EPHA5: variants seen among roughly 807,000 people sequenced by gnomAD.
EPHA5 encodes ephrin type-A receptor 5.
Under a neutral mutation model 105.0 loss-of-function variants are expected in EPHA5, and 60 were observed. That is an observed-to-expected ratio of 0.57 (90% CI 0.46 to 0.71). EPHA5 has a LOEUF of 0.71. Among genes scored for constraint, EPHA5 ranks in the 30% least tolerant of loss-of-function variants. EPHA5 has a pLI of 0.00. For missense variants in EPHA5, 1,218 were observed against 1,274.7 expected (o/e 0.96, Z 0.68); for synonymous variants, 513 against 449.1 (o/e 1.14, Z -1.80).
intron 1 of EPHA5, among the ~76,000 whole-genome samples, chr4:65,668,461 T>G (rs1750149816): frequency 6.6e-6 from 1 of 152,178 alleles, no homozygotes; most frequent in South Asian, 2.1e-4. Flanking sequence ...ATGGTGGAGC[T>G]GACAGATCTG....
intron 16 of EPHA5, chr4:65,330,472 A>G (rs1720503978): frequency 8.1e-6 from 2 of 247,152 alleles, no homozygotes; most frequent in South Asian, 3.1e-4. Flanking sequence ...TTGTAATTAT[A>G]ACTATTTTTT....
At chr4:65,413,530 C>A (rs1723109917) in intron 7 of EPHA5, among the ~76,000 whole-genome samples, 1 of 151,926 alleles carries the variant, frequency 6.6e-6, no homozygotes, top group Admixed American at 6.6e-5. Context: ...ATTTTATTTT[C>A]TTTATTTTAA....
chr4:65,488,884 C>CCTTT (rs1731133766), intron 5 of EPHA5, among the ~76,000 whole-genome samples: 1 of 34,272 alleles, frequency 2.9e-5, no homozygotes, highest in African/African-American at 8.0e-5. Context: ...CAGCTGCATG[C>CCTTT]ATTTTTTTTT....
In EPHA5 at chr4:65,499,520, T is replaced by C. The variant is rs116094867; in HGVS notation, c.911-3977A>G. 2.5e-3 allele frequency among the ~76,000 whole-genome samples: 385 copies of C among 151,744 alleles called. 1 individual carries two copies. The highest frequency in any genetic ancestry group is 7.2e-3 in the African/African-American group (300 of 41,514). On this transcript the variant is annotated intron_variant, in intron 3 of 16. Transcript: ENST00000613740. ...TCACATGATGACTCACTCCACTCCATTGATACCTCTCAATGAAAACTATTT... is the reference window on the plus strand; with the variant it reads ...TCACATGATGACTCACTCCACTCCACTGATACCTCTCAATGAAAACTATTT...
At chr4:65,537,506 A>G (rs1461107550) in intron 3 of EPHA5, among the ~76,000 whole-genome samples, 1 of 151,836 alleles carries the variant, frequency 6.6e-6, no homozygotes, top group Non-Finnish European at 1.5e-5. Flanking sequence ...GTAAATATCT[A>G]CAAAACAGGG....
At chr4:65,538,520 C>T (rs893039885) in intron 3 of EPHA5, among the ~76,000 whole-genome samples, 7 of 151,634 alleles carry the variant, frequency 4.6e-5, no homozygotes, top group East Asian at 3.9e-4. Context: ...GAAGTCACCC[C>T]GTATGGGAAA....
chr4:65,497,531 T>C (rs1046020128), intron 3 of EPHA5, among the ~76,000 whole-genome samples: 1 of 152,100 alleles, frequency 6.6e-6, no homozygotes, highest in Non-Finnish European at 1.5e-5. Flanking sequence ...TATAGCAGCT[T>C]ATGCCATACT....
intron 11 of EPHA5, among the ~76,000 whole-genome samples, chr4:65,362,483 T>C (rs1311991327): frequency 6.6e-6 from 1 of 151,716 alleles, no homozygotes; most frequent in South Asian, 2.1e-4. Context: ...TCATATGGAA[T>C]AAAAAGTAAA....
intron 3 of EPHA5, among the ~76,000 whole-genome samples, chr4:65,598,654 C>T (rs539879300): frequency 8.5e-5 from 13 of 152,256 alleles, no homozygotes; most frequent in Admixed American, 3.3e-4. Flanking sequence ...TAAACAGTGA[C>T]GCTTGATTTA....
At chr4:65,412,138 G>T (rs990656457) in intron 7 of EPHA5, among the ~76,000 whole-genome samples, 9 of 152,140 alleles carry the variant, frequency 5.9e-5, no homozygotes, top group African/African-American at 2.2e-4. Context: ...TGAGTCAGGA[G>T]AATCGCTTGA....
intron 11 of EPHA5, among the ~76,000 whole-genome samples, chr4:65,364,567 CAT>C (rs1717669365): frequency 6.6e-6 from 1 of 151,516 alleles, no homozygotes; most frequent in Non-Finnish European, 1.5e-5. Context: ...GAACTATTAA[CAT>C]ATCTTTAAAA....
intron 5 of EPHA5, among the ~76,000 whole-genome samples, chr4:65,490,144 A>T (rs1176176074): frequency 1.2e-4 from 19 of 152,258 alleles, no homozygotes; most frequent in Admixed American, 1.2e-3. Context: ...AAAAAATTCA[A>T]TTAAAAAATG....
intron 8 of EPHA5, among the ~76,000 whole-genome samples, chr4:65,376,455 T>A (rs189936791): frequency 1.3e-5 from 2 of 152,172 alleles, no homozygotes; most frequent in East Asian, 1.9e-4. Flanking sequence ...TTCATTGGCA[T>A]CAAAGTGAGA....
chr4:65,644,126 G>A (rs1397882750), intron 1 of EPHA5, among the ~76,000 whole-genome samples: 1 of 151,854 alleles, frequency 6.6e-6, no homozygotes, highest in East Asian at 1.9e-4. Context: ...TATTATATAT[G>A]GGAATCCCAA....
At chr4:65,333,038 G>C (rs181840763) in intron 15 of EPHA5, among the ~76,000 whole-genome samples, 1 of 151,664 alleles carries the variant, frequency 6.6e-6, no homozygotes, top group East Asian at 1.9e-4. Flanking sequence ...TAAATCAATA[G>C]ACACTTTTAA....
intron 11 of EPHA5, among the ~76,000 whole-genome samples, chr4:65,361,877 G>C (rs1717361270): frequency 6.6e-6 from 1 of 151,482 alleles, no homozygotes; most frequent in Non-Finnish European, 1.5e-5. Context: ...TGGTCAGTTT[G>C]GATAATAATT....
chr4:65,328,570 G>A (rs1720302097), intron 16 of EPHA5, among the ~76,000 whole-genome samples: 1 of 151,100 alleles, frequency 6.6e-6, no homozygotes, highest in Non-Finnish European at 1.5e-5. Context: ...GAAGGGAGAA[G>A]ACAGATTAAT....
chr4:65,567,413 T>C (rs576715491), intron 3 of EPHA5, among the ~76,000 whole-genome samples: 21 of 151,684 alleles, frequency 1.4e-4, no homozygotes, highest in African/African-American at 4.3e-4. Flanking sequence ...TGGTGACATA[T>C]TGGTGTATGT....
intron 2 of EPHA5, among the ~76,000 whole-genome samples, chr4:65,623,408 A>T (rs773588828): frequency 6.4e-5 from 9 of 141,204 alleles, no homozygotes; most frequent in Non-Finnish European, 1.3e-4. Context: ...TTGATTACTC[A>T]CTATGCTGTG....
Sources: allele counts gnomAD v4.1 joint callset (sites outside exome capture counted in the v4.1 genomes callset), GRCh38; gene constraint gnomAD v4.1.1; transcripts MANE v1.5; gene names NCBI Gene and HGNC (gene_info 2026-07-23, HGNC 2026-07-21).